Variants in IMPG1 observed in about 807,000 individuals in gnomAD.
IMPG1 encodes the protein interphotoreceptor matrix proteoglycan 1, also known as interphotoreceptor matrix proteoglycan of 150 kDa.
In IMPG1, 85 loss-of-function variants were observed where a neutral mutation model predicts 92.0. The ratio of observed to expected loss-of-function variants is 0.92; its 90% CI spans 0.78 to 1.11. The LOEUF is 1.11. IMPG1 is among the 50% of genes least tolerant of loss of function. IMPG1 has a pLI of 0.00. For synonymous variants in IMPG1, 367 were observed against 334.1 expected, an observed-to-expected ratio of 1.10 and a Z score of -1.08; for missense variants, 1,022 against 956.0, an observed-to-expected ratio of 1.07 and a Z score of -0.91.
chr6:75,970,399 T>G (rs1782391701), intron 12 of IMPG1, among the ~76,000 whole-genome samples: 1 of 152,134 alleles, frequency 6.6e-6, no homozygotes, highest in Non-Finnish European at 1.5e-5. Flanking sequence ...CAGTCTAATT[T>G]ATTACACTTT....
chr6:76,042,729 AAAGGGGGAGGCTTCACCCTTCCCAAC>A (rs750938134), intron 1 of IMPG1, among the ~76,000 whole-genome samples: 4 of 152,052 alleles, frequency 2.6e-5, no homozygotes, highest in African/African-American at 4.8e-5. Context: ...GAGGAAGGAT[AAAGGGGGAGGCTTCACCCTTCCCAAC>A]AAGGGGGAGG....
intron 9 of IMPG1, among the ~76,000 whole-genome samples, chr6:76,006,655 A>G (rs1783104976): frequency 6.6e-6 from 1 of 151,980 alleles, no homozygotes; most frequent in Non-Finnish European, 1.5e-5. Flanking sequence ...AAAAAATACA[A>G]CTTTAAATGA....
chr6:75,987,708 G>T (rs1782742010), intron 12 of IMPG1, among the ~76,000 whole-genome samples: 1 of 150,244 alleles, frequency 6.7e-6, no homozygotes, highest in South Asian at 2.1e-4. Flanking sequence ...GCAGTGGTGC[G>T]ATCTCCGCTC....
intron 12 of IMPG1, among the ~76,000 whole-genome samples, chr6:76,001,370 A>G (rs1411339239): frequency 6.6e-6 from 1 of 152,218 alleles, no homozygotes; most frequent in African/African-American, 2.4e-5. Context: ...ATAGTGGTTG[A>G]TATGGATTGT....
chr6:76,058,838 C>T (rs1784160947), intron 1 of IMPG1, among the ~76,000 whole-genome samples: 1 of 152,072 alleles, frequency 6.6e-6, no homozygotes, highest in African/African-American at 2.4e-5. Flanking sequence ...CTTGTAGGCT[C>T]AGGAATGAGA....
At chr6:75,991,607 C>T (rs1287085220) in intron 12 of IMPG1, among the ~76,000 whole-genome samples, 1 of 152,148 alleles carries the variant, frequency 6.6e-6, no homozygotes, top group Non-Finnish European at 1.5e-5. Context: ...CCTATGCCAG[C>T]CCCCTTCTGA....
chr6:75,974,318 CCTCTTTCTTTCCCTTTCTTT>C (rs1243268243), intron 12 of IMPG1, among the ~76,000 whole-genome samples: 2 of 125,730 alleles, frequency 1.6e-5, no homozygotes, highest in Admixed American at 8.0e-5. Context: ...TCTTTCTTTC[CCTCTTTCTTTCCCTTTCTTT>C]CTTTCTTTCT....
intron 2 of IMPG1, among the ~76,000 whole-genome samples, chr6:76,037,422 A>G (rs1448834831): frequency 6.6e-6 from 1 of 152,172 alleles, no homozygotes; most frequent in Non-Finnish European, 1.5e-5. Context: ...CAGGGTGTCA[A>G]CACGTGGGAA....
At chr6:75,940,763 C>G (rs1035412989) in intron 14 of IMPG1, among the ~76,000 whole-genome samples, 10 of 152,200 alleles carry the variant, frequency 6.6e-5, no homozygotes, top group African/African-American at 2.4e-4. Context: ...TATCTTCGCT[C>G]CCTTCACTCC....
intron 12 of IMPG1, among the ~76,000 whole-genome samples, chr6:75,991,722 C>T (rs1304229218): frequency 6.6e-6 from 1 of 152,172 alleles, no homozygotes. Context: ...CACCTATTAC[C>T]ATCAATGACA....
At chr6:76,039,441 C>G (rs1213934032) in intron 2 of IMPG1, among the ~76,000 whole-genome samples, 1 of 151,820 alleles carries the variant, frequency 6.6e-6, no homozygotes, top group East Asian at 1.9e-4. Flanking sequence ...CTGCAACCTC[C>G]GCCTCCTGGG....
At chr6:75,998,440 G>A (rs1013206055) in intron 12 of IMPG1, among the ~76,000 whole-genome samples, 13 of 152,188 alleles carry the variant, frequency 8.5e-5, no homozygotes, top group African/African-American at 2.9e-4. Context: ...GGAGTCAAAG[G>A]CTGAGATGAG....
At chr6:75,975,748 C>G (rs898820665) in intron 12 of IMPG1, among the ~76,000 whole-genome samples, 1 of 152,096 alleles carries the variant, frequency 6.6e-6, no homozygotes, top group African/African-American at 2.4e-5. Flanking sequence ...CTTTTTCTGA[C>G]AAGGGCCAAA....
At chr6:76,034,233 T>C in intron 4 of IMPG1, 82 bp downstream of exon 4, 1 of 1,302,388 alleles carries the variant, frequency 7.7e-7, no homozygotes, top group Non-Finnish European at 1.1e-6. Context: ...ATCCTACAGG[T>C]AGAATAGCTT....
rs1294746694 is a variant in IMPG1 at position 75,950,790 on chromosome 6, C to A, written c.1596G>T (p.Glu532Asp). 6.2e-7 allele frequency: 1 copy of A among 1,613,952 alleles called. No individual in the cohort carries two copies. The highest frequency in any genetic ancestry group is 1.7e-5 in the Admixed American group (1 of 59,950). ...AAACATATTCGCTGAGCTCTGGTAC[C>A]TCAGATGGGGCAGGAGTGTCAGACA... ...MDLSDTPAPS[E>D]VPELSEYVSV... Residue 532 changes from glutamate (E) to aspartate (D), a missense_variant, in exon 13 of 17, where the codon GAG (glutamate) becomes GAT (aspartate). Glu to Asp is a conservative substitution (Grantham distance 45, BLOSUM62 2). Coordinates refer to ENST00000369950, the MANE Select transcript of IMPG1 (RefSeq NM_001563.4).
At chr6:75,932,993 G>A (rs73751763) in intron 14 of IMPG1, among the ~76,000 whole-genome samples, 1 of 152,136 alleles carries the variant, frequency 6.6e-6, no homozygotes, top group Non-Finnish European at 1.5e-5. Context: ...GAGCCACCGC[G>A]CCTGGTCTCT....
intron 8 of IMPG1, among the ~76,000 whole-genome samples, chr6:76,010,532 G>A (rs1033873015): frequency 5.9e-5 from 9 of 152,050 alleles, no homozygotes; most frequent in African/African-American, 2.2e-4. Flanking sequence ...TCTTTAGTGT[G>A]GCACTATCTT....
At chr6:76,034,185 T>C (rs1413285244) in intron 4 of IMPG1, 130 bp downstream of exon 4, 1 of 823,496 alleles carries the variant, frequency 1.2e-6, no homozygotes, top group African/African-American at 1.7e-5. Context: ...GAATTGTCTG[T>C]CAGAATAATC....
At chr6:76,060,241 A>G (rs565604808) in intron 1 of IMPG1, among the ~76,000 whole-genome samples, 217 of 152,304 alleles carry the variant, frequency 1.4e-3, no homozygotes, top group Non-Finnish European at 2.7e-3. Flanking sequence ...AGTGAATGTA[A>G]ATGGGAAAAT....
Sources: allele counts gnomAD v4.1 joint callset (sites outside exome capture counted in the v4.1 genomes callset), GRCh38; gene constraint gnomAD v4.1.1; transcripts MANE v1.5; gene names NCBI Gene and HGNC (gene_info 2026-07-23, HGNC 2026-07-21).